Variants in ERBIN observed in about 807,000 individuals in gnomAD.
The protein encoded by ERBIN is densin-180-like protein.
Under a neutral mutation model 158.4 loss-of-function variants are expected in ERBIN, and 60 were observed. The ratio of observed to expected loss-of-function variants is 0.38; its 90% CI spans 0.31 to 0.47. The LOEUF (loss-of-function observed/expected upper bound fraction) is 0.47, where lower values mean the gene tolerates loss of function less well. Ranked by LOEUF, ERBIN falls within the 20% of genes least tolerant of loss-of-function variation. The probability of loss-of-function intolerance (pLI) is 0.99; values close to 1 mark genes in which losing one functional copy is unlikely to be tolerated. For synonymous variants in ERBIN, 594 were observed against 557.2 expected, an observed-to-expected ratio of 1.07 and a Z score of -0.93; for missense variants, 1,610 against 1,648.0, an observed-to-expected ratio of 0.98 and a Z score of 0.40.
chr5:66,026,114 T>A, intron 12 of ERBIN, 137 bp downstream of exon 12: 1 of 833,794 alleles, frequency 1.2e-6, no homozygotes, highest in South Asian at 2.3e-5. Flanking sequence ...AATAATTAGC[T>A]ATGTTAATTT....
chr5:66,044,796 G>A (rs1346833817), intron 17 of ERBIN, among the ~76,000 whole-genome samples: 1 of 151,826 alleles, frequency 6.6e-6, no homozygotes, highest in Non-Finnish European at 1.5e-5. Flanking sequence ...AAGGGAGATG[G>A]CTGGCCATGG....
At chr5:65,964,278 C>T (rs1345476435) in intron 1 of ERBIN, among the ~76,000 whole-genome samples, 1 of 152,146 alleles carries the variant, frequency 6.6e-6, no homozygotes, top group Non-Finnish European at 1.5e-5. Flanking sequence ...ACGTGTGTGT[C>T]ATTAATTCTA....
chr5:66,046,757 G>C (rs1211987386), intron 18 of ERBIN, among the ~76,000 whole-genome samples: 1 of 152,082 alleles, frequency 6.6e-6, no homozygotes. Flanking sequence ...ATTATAGATA[G>C]TCTAGGCTAC....
At chr5:65,936,290 A>G (rs949033747) in intron 1 of ERBIN, among the ~76,000 whole-genome samples, 7 of 152,122 alleles carry the variant, frequency 4.6e-5, no homozygotes, top group East Asian at 1.9e-4. Flanking sequence ...CCTCTTCCTT[A>G]TAGATTTTGG....
At chr5:66,003,470 A>G (rs1208106318) in intron 4 of ERBIN, among the ~76,000 whole-genome samples, 2 of 152,168 alleles carry the variant, frequency 1.3e-5, no homozygotes, top group Non-Finnish European at 2.9e-5. Context: ...ATGATTGGGT[A>G]TCTTAATGTT....
chr5:65,953,145 A>G (rs1746718328), intron 1 of ERBIN, among the ~76,000 whole-genome samples: 2 of 152,194 alleles, frequency 1.3e-5, no homozygotes, highest in African/African-American at 4.8e-5. Context: ...CGTTACTACA[A>G]TTAAGAGTAT....
intron 1 of ERBIN, among the ~76,000 whole-genome samples, chr5:65,982,568 T>A (rs1167883291): frequency 2.6e-5 from 4 of 152,234 alleles, no homozygotes; most frequent in African/African-American, 9.6e-5. Context: ...CTTGATGATC[T>A]GTCTCATCAA....
chr5:65,927,142 A>G (rs1259301366), intron 1 of ERBIN, among the ~76,000 whole-genome samples: 1 of 152,144 alleles, frequency 6.6e-6, no homozygotes, highest in Non-Finnish European at 1.5e-5. Flanking sequence ...TATAGAGTGT[A>G]TATTAAGTTG....
At chr5:65,977,525 C>T (rs2151004760) in intron 1 of ERBIN, among the ~76,000 whole-genome samples, 1 of 150,468 alleles carries the variant, frequency 6.6e-6, no homozygotes, top group African/African-American at 2.5e-5. Flanking sequence ...GACGGGGCGG[C>T]AGGGCAGAGG....
intron 21 of ERBIN, among the ~76,000 whole-genome samples, chr5:66,055,423 C>T (rs982267421): frequency 1.3e-5 from 2 of 152,192 alleles, no homozygotes; most frequent in African/African-American, 4.8e-5. Context: ...CAGATGGCTT[C>T]TGGCATGGCA....
intron 21 of ERBIN, among the ~76,000 whole-genome samples, chr5:66,063,507 C>T (rs1263602090): frequency 6.6e-6 from 1 of 152,140 alleles, no homozygotes; most frequent in Non-Finnish European, 1.5e-5. Flanking sequence ...CGATGCCTCA[C>T]CCTGCTTCGG....
Position 66,082,352 on chromosome 5 carries a change from C to G in ERBIN, c.*3822C>G, listed in dbSNP as rs1438922378. On this transcript the variant is annotated 3_prime_UTR_variant, in exon 26 of 26. Transcript: ENST00000284037. ...GACAAAAAGAATCCTTCTGTTACAA[C>G]TTTCTTTTCTAATGTAACAACCAGG... 3 of 152,094 alleles carry G rather than the reference C, an allele frequency of 2.0e-5. No individual in the cohort carries two copies. The highest frequency in any genetic ancestry group is 7.2e-5 in the African/African-American group (3 of 41,426). 9.4% of individuals were successfully genotyped at this position (152,094 alleles called of 1,614,324 possible).
chr5:66,010,127 C>T (rs189963957), intron 4 of ERBIN, among the ~76,000 whole-genome samples: 1 of 152,278 alleles, frequency 6.6e-6, no homozygotes, highest in East Asian at 1.9e-4. Context: ...TTTGTTAGGT[C>T]TCGTGGGTCC....
chr5:66,058,800 C>T (rs1759915976), intron 21 of ERBIN, among the ~76,000 whole-genome samples: 2 of 151,588 alleles, frequency 1.3e-5, no homozygotes, highest in South Asian at 2.1e-4. Flanking sequence ...GGAATCCTTT[C>T]CCCATTTCTT....
At chr5:65,950,862 ATAG>A (rs1319901291) in intron 1 of ERBIN, among the ~76,000 whole-genome samples, 1 of 151,966 alleles carries the variant, frequency 6.6e-6, no homozygotes, top group African/African-American at 2.4e-5. Flanking sequence ...AGAATATGGC[ATAG>A]TAAGAGGGCT....
chr5:66,036,378 C>T (rs1003209050), intron 14 of ERBIN, among the ~76,000 whole-genome samples: 1 of 152,190 alleles, frequency 6.6e-6, no homozygotes, highest in Non-Finnish European at 1.5e-5. Context: ...GTGGCTTCAT[C>T]TCTACCCCAT....
intron 6 of ERBIN, 72 bp downstream of exon 6, chr5:66,013,710 G>T: frequency 1.1e-6 from 1 of 941,260 alleles, no homozygotes; most frequent in Non-Finnish European, 1.7e-6. Flanking sequence ...AAGCTGCTTT[G>T]GTAGTACTAC....
At position 66,065,039 on chromosome 5, in the gene ERBIN, G is replaced by A. The variant is rs542190008; in HGVS notation, c.3634-7130G>A. Among the ~76,000 whole-genome samples, 190 of 152,194 alleles carry A rather than the reference G, an allele frequency of 1.2e-3. 1 individual carries two copies. Among genetic ancestry groups the A allele is most frequent in the South Asian group, 0.012 (57 of 4,816 alleles). On this transcript the variant is annotated intron_variant, in intron 21 of 25. Transcript: ENST00000284037. ...TTAAAGTTCTGGTAGTTAAGGAAAT[G>A]AAGTCTTTAAAGCATTGTGGTATAG...
At position 66,054,424 on chromosome 5, in the gene ERBIN, G is replaced by A. The variant is rs774913262; in HGVS notation, c.3106G>A (p.Val1036Ile). The change falls in exon 21 of 26, where the codon GTT (valine) becomes ATT (isoleucine). Residue 1036 changes from valine to isoleucine, a missense_variant. Around this residue, in one of 2 missense-constraint regions of ERBIN, gnomAD observed 1,014 missense variants for 936.1 expected, o/e 1.08. Transcript: ENST00000284037. ...ANMNFSNHNNVRANTAYHLHQ... is the reference protein window; with the variant it reads ...ANMNFSNHNNIRANTAYHLHQ... The stretch of plus-strand genomic sequence containing the variant: ...TATGAATTTCTCTAATCATAACAAT[G>A]TTCGAGCTAATACTGCATACCATTT... The A allele has an allele frequency of 3.5e-5, 56 of 1,614,026 alleles. No individual in the cohort carries two copies. The highest frequency in any genetic ancestry group is 4.4e-5 in the Non-Finnish European group (52 of 1,180,024).
Sources: allele counts gnomAD v4.1 joint callset (sites outside exome capture counted in the v4.1 genomes callset), GRCh38; gene constraint gnomAD v4.1.1; regional missense constraint gnomAD v4.1.1; transcripts MANE v1.5; gene names NCBI Gene and HGNC (gene_info 2026-07-23, HGNC 2026-07-21).